The following GGA3 variants were observed in gnomAD, a reference collection of about 807,000 sequenced individuals.
GGA3 encodes the protein golgi associated, gamma adaptin ear containing, ARF binding protein 3, also known as ADP-ribosylation factor-binding protein GGA3.
In GGA3, 57 loss-of-function variants were observed where a neutral mutation model predicts 77.5. That is an observed-to-expected ratio of 0.74 (90% CI 0.59 to 0.92). The LOEUF is 0.92. Ranked by LOEUF, GGA3 falls within the 40% of genes least tolerant of loss-of-function variation. GGA3 has a pLI of 0.00. For missense variants in GGA3, 970 were observed against 914.9 expected (o/e 1.06, Z -0.78); for synonymous variants, 416 against 383.7 (o/e 1.08, Z -0.98).
rs775868260 is a variant in GGA3, at chr17:75,239,961, G to C, written c.1411C>G (p.Pro471Ala). ...GCACTGGGGGCAGGAACACTGGCTG[G>C]GACCACAGGAGCTGGGAAGGGAGGC... ...LPPPFPAPVV[P>A]ASVPAPSAGS... Residue 471 changes from proline to alanine, a missense_variant, in exon 13 of 17, where the codon CCA becomes GCA. Physicochemically the swap from Pro to Ala is conservative, Grantham distance 27 (BLOSUM62 -1). Coordinates refer to ENST00000537686, the MANE Select transcript of GGA3 (RefSeq NM_138619.4). 1.3e-5 allele frequency: 20 copies of C among 1,570,792 alleles called. No homozygotes were observed. Among genetic ancestry groups the C allele is most frequent in the Non-Finnish European group, 1.7e-5 (20 of 1,158,674 alleles).
intron 4 of GGA3, 87 bp from the exon 5 acceptor site, chr17:75,243,657 T>G: frequency 6.0e-6 from 8 of 1,331,046 alleles, no homozygotes; most frequent in Non-Finnish European, 7.3e-6. Flanking sequence ...ATGGCGTGGC[T>G]GCTCAGCAGC....
chr17:75,239,364 C>G lies in GGA3; in HGVS notation c.1780+11G>C. On this transcript the variant is annotated intron_variant, in intron 14 of 16. Coordinates refer to ENST00000537686, the MANE Select transcript of GGA3 (RefSeq NM_138619.4). ...CCACCGCCCCACCCACCTCAATCCT[C>G]CAACACCTACTAGGCTTGATCGATT... 1 of 1,531,508 alleles carries G rather than the reference C, an allele frequency of 6.5e-7. No homozygotes were observed. Among genetic ancestry groups the G allele is most frequent in the African/African-American group, 1.4e-5 (1 of 71,846 alleles). The allele number at this position is 1,531,508 out of a possible 1,614,324, so 94.9% of individuals were successfully genotyped here.
intron 1 of GGA3, among the ~76,000 whole-genome samples, chr17:75,252,272 C>T (rs1183904432): frequency 6.6e-6 from 1 of 151,354 alleles, no homozygotes; most frequent in African/African-American, 2.4e-5. Flanking sequence ...CTCTATTGCC[C>T]CGGGCTGCAG....
chr17:75,242,043 C>T, intron 8 of GGA3: 2 of 550,686 alleles, frequency 3.6e-6, no homozygotes, highest in South Asian at 4.2e-5. Flanking sequence ...TTGATGTCCC[C>T]AAGGTAGTAA....
At chr17:75,252,232 C>T (rs1302435164) in intron 1 of GGA3, among the ~76,000 whole-genome samples, 1 of 151,346 alleles carries the variant, frequency 6.6e-6, no homozygotes, top group Admixed American at 6.6e-5. Context: ...CAGGCGTGTG[C>T]TTGTTCTTTT....
intron 1 of GGA3, among the ~76,000 whole-genome samples, chr17:75,253,438 C>T (rs1052278468): frequency 6.6e-6 from 1 of 152,184 alleles, no homozygotes; most frequent in African/African-American, 2.4e-5. Context: ...TATTCACTCA[C>T]GTTTCAAAGG....
intron 1 of GGA3, among the ~76,000 whole-genome samples, chr17:75,259,303 C>G (rs1322717029): frequency 1.3e-5 from 2 of 152,136 alleles, no homozygotes; most frequent in Admixed American, 6.5e-5. Flanking sequence ...TTCCTAACTC[C>G]TATAACACCC....
chr17:75,244,166 T>C (rs2076673652), intron 4 of GGA3, among the ~76,000 whole-genome samples: 1 of 152,188 alleles, frequency 6.6e-6, no homozygotes, highest in African/African-American at 2.4e-5. Flanking sequence ...AGAATGTCTT[T>C]AGCATGGTAA....
chr17:75,239,806 A>C lies in GGA3; in HGVS notation c.1566T>G (p.Leu522=). ...CTCATTACACTTTGGCCTCTTCTAGAAGCTGATCGAGGGCATCCAGGTGGT... is the reference window on the plus strand; with the variant it reads ...CTCATTACACTTTGGCCTCTTCTAGCAGCTGATCGAGGGCATCCAGGTGGT... The part of the protein sequence containing the change: ...ALHHLDALDQ[L]LEEAKVTSGL... The change falls in exon 13 of 17, where the codon CTT becomes CTG. Residue 522 remains leucine (L), a synonymous_variant. Coordinates refer to ENST00000537686, the MANE Select transcript of GGA3 (RefSeq NM_138619.4). 2.5e-6 allele frequency: 4 copies of C among 1,613,714 alleles called. No individual in the cohort carries two copies. The highest frequency in any genetic ancestry group is 3.4e-6 in the Non-Finnish European group (4 of 1,180,030).
At chr17:75,253,074 C>T (rs910974133) in intron 1 of GGA3, among the ~76,000 whole-genome samples, 7 of 152,184 alleles carry the variant, frequency 4.6e-5, no homozygotes, top group Admixed American at 1.3e-4. Context: ...TGACTCGGAT[C>T]GCGGGACCTC....
rs1380815438 is a variant in GGA3, at chr17:75,242,387, C to T, written c.696G>A (p.Leu232=). 1.2e-6 allele frequency: 2 copies of T among 1,614,076 alleles called. No individual in the cohort carries two copies. Among genetic ancestry groups the T allele is most frequent in the Non-Finnish European group, 1.7e-6 (2 of 1,180,004 alleles). Residue 232 remains leucine (L), a synonymous_variant, in exon 8 of 17, where the codon CTG becomes CTA. Coordinates refer to ENST00000537686, the MANE Select transcript of GGA3 (RefSeq NM_138619.4). ...NNNVRLLSEM[L]LHYSQEDSSD... is the part of the protein sequence containing the mutation. Reference sequence around the variant, plus strand: ...AAGAGTCCTCCTGGCTGTAATGAAGCAGCATCTCACTGAGCAGTCTCACGT... The same window carrying T: ...AAGAGTCCTCCTGGCTGTAATGAAGTAGCATCTCACTGAGCAGTCTCACGT...
At chr17:75,250,882 G>T (rs1041955320) in intron 1 of GGA3, among the ~76,000 whole-genome samples, 2 of 151,782 alleles carry the variant, frequency 1.3e-5, no homozygotes, top group African/African-American at 4.8e-5. Flanking sequence ...AGGAGTTCGA[G>T]ACCAGCCTGA....
At position 75,240,897 on chromosome 17, in the gene GGA3, G is replaced by A; in HGVS notation, c.1107C>T (p.Arg369=). 1 of 1,613,836 alleles carries A rather than the reference G, an allele frequency of 6.2e-7. No individual in the cohort carries two copies. Among genetic ancestry groups the A allele is most frequent in the Non-Finnish European group, 8.5e-7 (1 of 1,179,878 alleles). ...PPQASGPPRS[R]SSSQAEATLG... Reference sequence around the variant, plus strand: ...GGGTGGCCTCGGCCTGGCTAGAGGAGCGGCTCCGTGGAGGTCCTGAGGCCT... The same window carrying A: ...GGGTGGCCTCGGCCTGGCTAGAGGAACGGCTCCGTGGAGGTCCTGAGGCCT... Residue 369 remains arginine, a synonymous_variant, in exon 11 of 17, where the codon CGC becomes CGT. Transcript: ENST00000537686.
chr17:75,249,663 G>A (rs1320353522), intron 1 of GGA3, among the ~76,000 whole-genome samples: 2 of 152,184 alleles, frequency 1.3e-5, no homozygotes, highest in Non-Finnish European at 2.9e-5. Context: ...GGTCTGAGAA[G>A]CAATCCCCAT....
Position 75,237,766 on chromosome 17 carries a change from T to C in GGA3, c.*513A>G. The C allele has an allele frequency of 7.0e-7, 1 of 1,430,480 alleles. No individual in the cohort carries two copies. The highest frequency in any genetic ancestry group is 9.1e-7 in the Non-Finnish European group (1 of 1,096,970). 88.6% of individuals were successfully genotyped at this position (1,430,480 alleles called of 1,614,324 possible). Reference sequence around the variant, plus strand: ...CCTTATTCTGGGCCAGGCACCTTCCTGGGCCACCTCCCTGGGGATGGCAGC... The same window carrying C: ...CCTTATTCTGGGCCAGGCACCTTCCCGGGCCACCTCCCTGGGGATGGCAGC... On this transcript the variant is annotated 3_prime_UTR_variant, in exon 17 of 17. Transcript: ENST00000537686.
At chr17:75,252,045 T>C (rs1394713681) in intron 1 of GGA3, among the ~76,000 whole-genome samples, 1 of 151,706 alleles carries the variant, frequency 6.6e-6, no homozygotes, top group Non-Finnish European at 1.5e-5. Flanking sequence ...GGATTACAGG[T>C]GTGAGTCCCA....
chr17:75,256,810 C>T (rs1279430818), intron 1 of GGA3, among the ~76,000 whole-genome samples: 1 of 152,048 alleles, frequency 6.6e-6, no homozygotes, highest in Non-Finnish European at 1.5e-5. Flanking sequence ...CAACATGCCC[C>T]GAGTCAGATA....
intron 4 of GGA3, 155 bp downstream of exon 4, chr17:75,244,464 A>G (rs1214369831): frequency 3.1e-6 from 2 of 652,956 alleles, no homozygotes; most frequent in Non-Finnish European, 5.5e-6. Flanking sequence ...CTGTTTGGTC[A>G]TCCCGTTACC....
At chr17:75,244,004 TGGGG>T (rs1416507747) in intron 4 of GGA3, among the ~76,000 whole-genome samples, 1 of 152,086 alleles carries the variant, frequency 6.6e-6, no homozygotes, top group Non-Finnish European at 1.5e-5. Flanking sequence ...CTTACTACCT[TGGGG>T]ACATCAAGAC....
Sources: allele counts gnomAD v4.1 joint callset (sites outside exome capture counted in the v4.1 genomes callset), GRCh38; gene constraint gnomAD v4.1.1; transcripts MANE v1.5; gene names NCBI Gene and HGNC (gene_info 2026-07-23, HGNC 2026-07-21).